The following TASOR variants were observed in gnomAD, a reference collection of about 807,000 sequenced individuals.
TASOR encodes transcription activation suppressor.
In TASOR, 53 loss-of-function variants were observed where a neutral mutation model predicts 178.6. That is an observed-to-expected ratio of 0.30 (90% CI 0.24 to 0.37). The LOEUF (loss-of-function observed/expected upper bound fraction) is 0.37, where lower values mean the gene tolerates loss of function less well. Among genes scored for constraint, TASOR ranks in the 10% least tolerant of loss-of-function variants. TASOR has a pLI of 1.00. For missense variants in TASOR, 1,815 were observed against 1,971.4 expected, an observed-to-expected ratio of 0.92 and a Z score of 1.50; for synonymous variants, 713 against 696.2, an observed-to-expected ratio of 1.02 and a Z score of -0.38.
rs555662086 is a variant in TASOR, at chr3:56,665,459, C to T, written c.1022+801G>A. Among the ~76,000 whole-genome samples, 26 of 152,148 alleles carry T rather than the reference C, an allele frequency of 1.7e-4. 1 individual carries two copies. Among genetic ancestry groups the T allele is most frequent in the South Asian group, 2.1e-4 (1 of 4,822 alleles). ...CCAACCTCCACCGCCCAGGTTCAAG[C>T]GATTCTCTTGCTTCAGCCTCCCAAG... is the stretch of plus-strand genomic sequence containing the variant. On this transcript the variant is annotated intron_variant, in intron 7 of 23. Coordinates refer to ENST00000683822, the MANE Select transcript of TASOR (RefSeq NM_001365635.2).
chr3:56,631,730 C>T (rs970917098), intron 18 of TASOR, among the ~76,000 whole-genome samples: 1 of 151,920 alleles, frequency 6.6e-6, no homozygotes, highest in East Asian at 1.9e-4. Flanking sequence ...ACTACAGGCG[C>T]CTGCCCCCAT....
At chr3:56,661,958 T>G (rs1006409677) in intron 9 of TASOR, among the ~76,000 whole-genome samples, 3 of 124,604 alleles carry the variant, frequency 2.4e-5, no homozygotes, top group Non-Finnish European at 4.7e-5. Context: ...AAGCCCCGTC[T>G]CTACTAAAAA....
chr3:56,637,565 A>G (rs55742226), intron 17 of TASOR, among the ~76,000 whole-genome samples: 27,782 of 148,822 alleles, frequency 0.19, 3,395 homozygotes, highest in South Asian at 0.41. Flanking sequence ...TCTATGTTAT[A>G]TATCTGTTGT....
intron 11 of TASOR, 57 bp downstream of exon 11, chr3:56,660,674 C>T (rs888210500): frequency 1.5e-6 from 2 of 1,311,006 alleles, no homozygotes; most frequent in South Asian, 2.4e-5. Flanking sequence ...TATGATCACA[C>T]ATGAATATGC....
chr3:56,638,041 T>C (rs1457931681), intron 17 of TASOR, among the ~76,000 whole-genome samples: 1 of 152,122 alleles, frequency 6.6e-6, no homozygotes, highest in Non-Finnish European at 1.5e-5. Context: ...TATAAATGGC[T>C]TACCCTTCTT....
At chr3:56,624,181 A>G (rs1284795239) in intron 23 of TASOR, among the ~76,000 whole-genome samples, 1 of 152,220 alleles carries the variant, frequency 6.6e-6, no homozygotes, top group African/African-American at 2.4e-5. Flanking sequence ...ATAGTAACCA[A>G]TAATGCTTAC....
intron 11 of TASOR, among the ~76,000 whole-genome samples, chr3:56,654,888 G>C (rs1013554974): frequency 5.9e-5 from 9 of 152,138 alleles, no homozygotes; most frequent in Non-Finnish European, 1.2e-4. Flanking sequence ...TGTACCATTG[G>C]CTCTCCTGGG....
At position 56,682,846 on chromosome 3, in the gene TASOR, C is replaced by G; in HGVS notation, c.161G>C (p.Gly54Ala). ...CCCCGCGTTCTCCTCACGCCCAGCGCCGCCGCTGGGCTCAGCGATGTTGAG... is the reference window on the plus strand; with the variant it reads ...CCCCGCGTTCTCCTCACGCCCAGCGGCGCCGCTGGGCTCAGCGATGTTGAG... ...GGLNIAEPSG[G>A]AGREENAGAE... The change falls in exon 1 of 24, where the codon GGC (glycine) becomes GCC (alanine). Residue 54 changes from glycine to alanine, a missense_variant. Gly to Ala is a moderately conservative substitution (Grantham distance 60, BLOSUM62 0). Transcript: ENST00000683822. 1 of 1,550,228 alleles carries G rather than the reference C, an allele frequency of 6.5e-7. No homozygotes were observed. The highest frequency in any genetic ancestry group is 8.7e-7 in the Non-Finnish European group (1 of 1,146,522).
At chr3:56,627,198 G>T in intron 20 of TASOR, 53 bp from the exon 21 acceptor site, 1 of 1,053,150 alleles carries the variant, frequency 9.5e-7, no homozygotes, top group Non-Finnish European at 1.4e-6. Flanking sequence ...CATTCCATAA[G>T]TGAATTATGA....
At chr3:56,658,609 T>C (rs1365487771) in intron 11 of TASOR, among the ~76,000 whole-genome samples, 1 of 152,140 alleles carries the variant, frequency 6.6e-6, no homozygotes, top group African/African-American at 2.4e-5. Flanking sequence ...ATTATGTTCA[T>C]ATGCAGTGAG....
chr3:56,666,697 C>T (rs149511124), intron 6 of TASOR, among the ~76,000 whole-genome samples: 59 of 152,176 alleles, frequency 3.9e-4, no homozygotes, highest in Middle Eastern at 3.4e-3. Flanking sequence ...CAGGTCAGCT[C>T]AGAATAGCCA....
rs1282875259 is a variant in TASOR, at chr3:56,653,280, AAAAAAAAAAG to A, written c.1369-4233_1369-4224del. The stretch of plus-strand genomic sequence containing the variant: ...TCCATCTCAAAAAAAAAAAAAAAAA[AAAAAAAAAAG>A]AAAAGACAAGCTAAAGAAAATGAGG... On this transcript the variant is annotated intron_variant, in intron 11 of 23. Transcript: ENST00000683822. 2.1e-4 allele frequency among the ~76,000 whole-genome samples: 23 copies of A among 108,392 alleles called. 1 individual carries two copies. The highest frequency in any genetic ancestry group is 9.6e-4 in the African/African-American group (17 of 17,722). 71.1% of individuals were successfully genotyped at this position (108,392 alleles called of 152,430 possible).
chr3:56,647,256 C>G, intron 13 of TASOR, 33 bp from the exon 14 acceptor site: 3 of 1,477,198 alleles, frequency 2.0e-6, no homozygotes, highest in Non-Finnish European at 2.7e-6. Flanking sequence ...AAAAAGCAAA[C>G]CATGTTAGCA....
chr3:56,673,150 C>T (rs569414071), intron 2 of TASOR, among the ~76,000 whole-genome samples: 24 of 152,306 alleles, frequency 1.6e-4, no homozygotes, highest in African/African-American at 5.8e-4. Flanking sequence ...GCTATCTCTA[C>T]ACTTAAGATT....
At chr3:56,632,971 A>T in intron 18 of TASOR, 73 bp downstream of exon 18, 1 of 1,217,984 alleles carries the variant, frequency 8.2e-7, no homozygotes, top group Non-Finnish European at 1.1e-6. Context: ...AATACAAAAA[A>T]CTTCCATTTT....
intron 1 of TASOR, among the ~76,000 whole-genome samples, chr3:56,675,397 G>C (rs1279348024): frequency 1.3e-5 from 2 of 149,994 alleles, no homozygotes; most frequent in Non-Finnish European, 3.0e-5. Flanking sequence ...GGCTGGTCTC[G>C]AACCCCTGAC....
At chr3:56,638,682 GA>G (rs1263911882) in intron 17 of TASOR, 23 bp downstream of exon 17, 1 of 1,613,638 alleles carries the variant, frequency 6.2e-7, no homozygotes, top group African/African-American at 1.3e-5. Flanking sequence ...ACACTGGGAA[GA>G]AAAGCAAAGC....
chr3:56,675,447 G>A (rs9840528), intron 1 of TASOR, among the ~76,000 whole-genome samples: 48,716 of 151,334 alleles, frequency 0.32, 8,262 homozygotes, highest in East Asian at 0.49. Flanking sequence ...AAAGTGCTGG[G>A]ATTACGGGCA....
chr3:56,661,041 G>T, intron 9 of TASOR, 24 bp from the exon 10 acceptor site: 1 of 1,498,558 alleles, frequency 6.7e-7, no homozygotes, highest in Non-Finnish European at 9.2e-7. Flanking sequence ...TTAAAAACAT[G>T]TTTGCCTTAT....
Sources: gnomAD v4.1 joint callset for allele counts (sites outside exome capture counted in the v4.1 genomes callset) on GRCh38, gnomAD v4.1.1 for gene constraint, MANE v1.5 for transcripts, NCBI Gene and HGNC (gene_info 2026-07-23, HGNC 2026-07-21) for gene names.